Variants in CRTC2 observed in about 807,000 individuals in gnomAD.
CRTC2 encodes CREB-regulated transcription coactivator 2.
In CRTC2, 25 loss-of-function variants were observed where a neutral mutation model predicts 70.9. That is an observed-to-expected ratio of 0.35 (90% CI 0.26 to 0.49). The LOEUF is 0.49. Among genes scored for constraint, CRTC2 ranks in the 20% least tolerant of loss-of-function variants. The pLI is 0.98. For synonymous variants in CRTC2, 330 were observed against 364.1 expected (o/e 0.91, Z 1.07); for missense variants, 737 against 882.6 (o/e 0.83, Z 2.09).
chr1:153,958,265 C>T, intron 1 of CRTC2, 80 bp downstream of exon 1: 3 of 1,528,772 alleles, frequency 2.0e-6, no homozygotes, highest in Non-Finnish European at 1.8e-6. Flanking sequence ...TTCGCTGCGG[C>T]GCCCGCCCCC....
At position 153,947,996 on chromosome 1, in the gene CRTC2, G is replaced by A; in HGVS notation, c.*113C>T. 9.4e-7 allele frequency: 1 copy of A among 1,064,988 alleles called. No individual in the cohort carries two copies. The highest frequency in any genetic ancestry group is 1.4e-6 in the Non-Finnish European group (1 of 712,430). The allele number at this position is 1,064,988 out of a possible 1,614,324, so 66.0% of individuals were successfully genotyped here. On this transcript the variant is annotated 3_prime_UTR_variant, in exon 14 of 14. Transcript: ENST00000368633. ...CTCATTCTTGGCATCCTTCATTCAT[G>A]CTAGAAAGAGGATCTGGGGACAGAG...
At chr1:153,956,467 A>C (rs1473972342) in intron 1 of CRTC2, among the ~76,000 whole-genome samples, 2 of 152,230 alleles carry the variant, frequency 1.3e-5, no homozygotes, top group Non-Finnish European at 2.9e-5. Flanking sequence ...GCCCAGGGCA[A>C]GGCCATGGGG....
In CRTC2 at chr1:153,952,475, T is replaced by C. The variant is rs1680383513; in HGVS notation, c.703-29A>G. On this transcript the variant is annotated intron_variant, in intron 8 of 13. Coordinates refer to ENST00000368633, the MANE Select transcript of CRTC2 (RefSeq NM_181715.3). ...AGGAGAGAAGGGAGAATATGGAAAATGAGGACAGTGCTCAGCAGAGAACCC... is the reference window on the plus strand; with the variant it reads ...AGGAGAGAAGGGAGAATATGGAAAACGAGGACAGTGCTCAGCAGAGAACCC... The C allele has an allele frequency of 3.7e-6, 6 of 1,613,674 alleles. No homozygotes were observed. In the East Asian group the frequency reaches 1.1e-4, roughly 30 times the overall value.
chr1:153,952,430 G>T lies in CRTC2; in HGVS notation c.719C>A (p.Ser240Tyr). 1 of 1,614,224 alleles carries T rather than the reference G, an allele frequency of 6.2e-7. No homozygotes were observed. Among genetic ancestry groups the T allele is most frequent in the Non-Finnish European group, 8.5e-7 (1 of 1,180,044 alleles). The change falls in exon 9 of 14, where the codon TCC becomes TAC. Residue 240 changes from serine to tyrosine, a missense_variant. Ser to Tyr is a moderately radical substitution (Grantham distance 144). Coordinates refer to ENST00000368633, the MANE Select transcript of CRTC2 (RefSeq NM_181715.3). ...WDAKKLSSSS[S>Y]RPRSCEVPGI... is the part of the protein sequence containing the mutation. ...AGGGACTTCACAGGACCGAGGTCGGGAAGAGGATGAGGATAGCTGAGGAGA... is the reference window on the plus strand; with the variant it reads ...AGGGACTTCACAGGACCGAGGTCGGTAAGAGGATGAGGATAGCTGAGGAGA...
At chr1:153,950,379 A>C (rs149081092) in intron 11 of CRTC2, among the ~76,000 whole-genome samples, 62 of 152,280 alleles carry the variant, frequency 4.1e-4, no homozygotes, top group Admixed American at 8.5e-4. Flanking sequence ...CTCACTCCAC[A>C]CTCTGGGAAC....
In CRTC2 at chr1:153,948,475, G is replaced by C. The variant is rs1345338876; in HGVS notation, c.1844C>G (p.Pro615Arg). The C allele has an allele frequency of 1.7e-5, 28 of 1,607,458 alleles. No individual in the cohort carries two copies. Among genetic ancestry groups the C allele is most frequent in the Non-Finnish European group, 2.3e-5 (27 of 1,176,612 alleles). The stretch of plus-strand genomic sequence containing the variant: ...CCATTCACCTGTGAGGATGATGTTA[G>C]GCCCTGAGCCATGGCGGGAACAGTG... ...LTHCSRHGSG[P>R]NIILTGDSSP... The change falls in exon 13 of 14, where the codon CCT becomes CGT. Residue 615 changes from proline to arginine, a missense_variant. Pro to Arg is a moderately radical substitution (Grantham distance 103). Coordinates refer to ENST00000368633, the MANE Select transcript of CRTC2 (RefSeq NM_181715.3).
At chr1:153,954,142 A>G (rs1007721153) in intron 4 of CRTC2, 113 bp downstream of exon 4, 8 of 773,180 alleles carry the variant, frequency 1.0e-5, no homozygotes, top group African/African-American at 1.7e-5. Context: ...TTATAGGAAG[A>G]GGTACTGTTG....
At chr1:153,951,776 G>T in intron 10 of CRTC2, 110 bp from the exon 11 acceptor site, 1 of 1,239,338 alleles carries the variant, frequency 8.1e-7, no homozygotes, top group East Asian at 2.5e-5. Flanking sequence ...GCAACACAAC[G>T]TCCTCCCTAC....
chr1:153,953,148 A>G, intron 6 of CRTC2, 118 bp downstream of exon 6: 1 of 608,730 alleles, frequency 1.6e-6, no homozygotes, highest in South Asian at 2.6e-5. Flanking sequence ...ACGCCACTGC[A>G]CTCCAGCCTA....
intron 3 of CRTC2, among the ~76,000 whole-genome samples, 157 bp downstream of exon 3, chr1:153,954,716 C>T (rs1284924931): frequency 6.6e-6 from 1 of 152,158 alleles, no homozygotes; most frequent in Non-Finnish European, 1.5e-5. Flanking sequence ...GGAGCAGGTG[C>T]TGACGCAGGG....
intron 6 of CRTC2, 61 bp downstream of exon 6, chr1:153,953,197 TAATAAATA>T (rs557807536): frequency 6.1e-5 from 50 of 822,606 alleles, no homozygotes; most frequent in East Asian, 1.9e-4. Context: ...AAGAAAGAAA[TAATAAATA>T]AATAAATAAA....
intron 1 of CRTC2, 164 bp downstream of exon 1, chr1:153,958,181 T>C: frequency 7.0e-7 from 1 of 1,423,418 alleles, no homozygotes; most frequent in South Asian, 1.5e-5. Context: ...GCAAAATCCT[T>C]CTTCCTGCCC....
intron 11 of CRTC2, among the ~76,000 whole-genome samples, chr1:153,949,706 G>C (rs2102103172): frequency 6.6e-6 from 1 of 152,192 alleles, no homozygotes; most frequent in Middle Eastern, 3.4e-3. Flanking sequence ...AAAATTAGCT[G>C]GGCATGGTAG....
intron 1 of CRTC2, among the ~76,000 whole-genome samples, chr1:153,955,410 A>G (rs1680567800): frequency 6.6e-6 from 1 of 151,924 alleles, no homozygotes; most frequent in East Asian, 1.9e-4. Context: ...TACTAAAAAT[A>G]CAAAAAATTA....
intron 12 of CRTC2, chr1:153,948,905 G>A (rs1324531492): frequency 2.7e-6 from 2 of 743,346 alleles, no homozygotes; most frequent in Non-Finnish European, 4.7e-6. Flanking sequence ...AGCAAGCTGA[G>A]CAGAAATAGA....
chr1:153,955,758 C>T (rs1680589866), intron 1 of CRTC2, among the ~76,000 whole-genome samples: 1 of 151,266 alleles, frequency 6.6e-6, no homozygotes, highest in South Asian at 2.1e-4. Flanking sequence ...TTTGAAAGGT[C>T]CACCGAGATT....
rs568464188 is a variant in CRTC2 at position 153,953,063 on chromosome 1, A to G, written c.607+203T>C. The stretch of plus-strand genomic sequence containing the variant: ...CCAGGCACAGTGGCAGATGCCTGTA[A>G]TCCCAGCTACTCAGGAGGCTGAGGC... On this transcript the variant is annotated intron_variant, in intron 6 of 13. Transcript: ENST00000368633. The G allele has an allele frequency of 1.3e-5, 8 of 622,076 alleles. No individual in the cohort carries two copies. The South Asian group carries it at 1.5e-4, about 12-fold the overall frequency. The allele number at this position is 622,076 out of a possible 1,614,324, so 38.5% of individuals were successfully genotyped here. A position where few individuals can be genotyped will look rare whatever the true frequency, so the allele number is the denominator to read the frequency against.
At chr1:153,953,230 C>A in intron 6 of CRTC2, 36 bp downstream of exon 6, 1 of 1,059,398 alleles carries the variant, frequency 9.4e-7, no homozygotes, top group Non-Finnish European at 1.4e-6. Flanking sequence ...TAAATAGCTC[C>A]ATGGTTACTC....
chr1:153,952,650 A>G lies in CRTC2; in HGVS notation c.638-15T>C. ...AATAGCAGGTACTTGAAAGAGAAAG[A>G]CTGGTGATGGGAGAGTTGGAGAAAG... On this transcript the variant is annotated splice_polypyrimidine_tract_variant and intron_variant, in intron 7 of 13. Transcript: ENST00000368633. 3.7e-6 allele frequency: 6 copies of G among 1,614,106 alleles called. No homozygotes were observed. The highest frequency in any genetic ancestry group is 5.1e-6 in the Non-Finnish European group (6 of 1,179,934).
Sources: gnomAD v4.1 joint callset for allele counts (sites outside exome capture counted in the v4.1 genomes callset) on GRCh38, gnomAD v4.1.1 for gene constraint, MANE v1.5 for transcripts, NCBI Gene and HGNC (gene_info 2026-07-23, HGNC 2026-07-21) for gene names.